CSMD1: variants seen among roughly 807,000 people sequenced by gnomAD.
The protein encoded by CSMD1 is CUB and Sushi multiple domains 1.
CSMD1 carries 213 observed loss-of-function variants against 417.5 expected under a neutral mutation model. That is an observed-to-expected ratio of 0.51 (90% CI 0.46 to 0.57). The LOEUF is 0.57. CSMD1 is among the 20% of genes least tolerant of loss of function. The pLI, the probability that CSMD1 is intolerant of heterozygous loss-of-function variation, is 0.00. For synonymous variants in CSMD1, 2,862 were observed against 1,736.8 expected (o/e 1.65, Z -16.11); for missense variants, 6,923 against 4,529.7 (o/e 1.53, Z -15.17).
chr8:3,391,269 C>G (rs1057222145), intron 17 of CSMD1, among the ~76,000 whole-genome samples: 8 of 152,316 alleles, frequency 5.3e-5, no homozygotes, highest in African/African-American at 1.9e-4. Context: ...ATCAATCACA[C>G]AGTAGAGTAT....
chr8:3,313,890 A>C (rs1240774093), intron 23 of CSMD1, among the ~76,000 whole-genome samples: 1 of 152,210 alleles, frequency 6.6e-6, no homozygotes, highest in South Asian at 2.1e-4. Flanking sequence ...ACAATGATAG[A>C]CTGGATTAAG....
chr8:3,089,828 T>C (rs1814810332), intron 48 of CSMD1, among the ~76,000 whole-genome samples: 1 of 152,222 alleles, frequency 6.6e-6, no homozygotes, highest in Admixed American at 6.5e-5. Context: ...AATGAGGCTC[T>C]CCTTGTGGTA....
intron 3 of CSMD1, among the ~76,000 whole-genome samples, chr8:4,208,246 A>G (rs1800097872): frequency 6.6e-6 from 1 of 152,166 alleles, no homozygotes; most frequent in Non-Finnish European, 1.5e-5. Context: ...CTCCTGTTAT[A>G]ATTGCCTTCT....
chr8:3,412,981 T>C (rs1168769110), intron 12 of CSMD1, among the ~76,000 whole-genome samples: 1 of 152,080 alleles, frequency 6.6e-6, no homozygotes, highest in Non-Finnish European at 1.5e-5. Flanking sequence ...CAGTCAGGAG[T>C]CCAGACACCA....
chr8:4,167,464 G>A (rs1296149446), intron 3 of CSMD1, among the ~76,000 whole-genome samples: 4 of 152,118 alleles, frequency 2.6e-5, no homozygotes, highest in South Asian at 4.1e-4. Flanking sequence ...AATGACGGTG[G>A]CTGAGAGACT....
intron 5 of CSMD1, among the ~76,000 whole-genome samples, chr8:3,969,072 G>A (rs531395988): frequency 1.3e-5 from 2 of 152,256 alleles, no homozygotes; most frequent in African/African-American, 4.8e-5. Context: ...ACAACATGGT[G>A]CAAGCACATC....
At chr8:2,946,252 T>C (rs1056629821) in intron 68 of CSMD1, among the ~76,000 whole-genome samples, 4 of 152,220 alleles carry the variant, frequency 2.6e-5, no homozygotes, top group African/African-American at 9.6e-5. Flanking sequence ...TCCTATATAA[T>C]TCATCCACTT....
At chr8:3,611,847 A>G (rs1801909548) in intron 8 of CSMD1, among the ~76,000 whole-genome samples, 1 of 152,188 alleles carries the variant, frequency 6.6e-6, no homozygotes, top group African/African-American at 2.4e-5. Flanking sequence ...AAATTAATTT[A>G]GGACAGAAGT....
intron 5 of CSMD1, among the ~76,000 whole-genome samples, chr8:3,956,204 G>T (rs901318413): frequency 6.6e-6 from 1 of 152,200 alleles, no homozygotes; most frequent in Non-Finnish European, 1.5e-5. Flanking sequence ...ATAACTAAAT[G>T]TAGATAGCAT....
At chr8:3,216,944 C>A (rs1342283365) in intron 29 of CSMD1, among the ~76,000 whole-genome samples, 3 of 152,232 alleles carry the variant, frequency 2.0e-5, no homozygotes, top group African/African-American at 7.2e-5. Context: ...CTGCACCAGG[C>A]TTAGATGCAA....
At chr8:3,642,880 A>G (rs1019724788) in intron 7 of CSMD1, among the ~76,000 whole-genome samples, 4 of 151,896 alleles carry the variant, frequency 2.6e-5, no homozygotes, top group Non-Finnish European at 5.9e-5. Flanking sequence ...ATATATATAG[A>G]TTATACATAC....
chr8:4,178,724 T>G (rs1405160921), intron 3 of CSMD1, among the ~76,000 whole-genome samples: 1 of 152,164 alleles, frequency 6.6e-6, no homozygotes, highest in African/African-American at 2.4e-5. Context: ...ATAGGCAACT[T>G]CAGCAAAGTC....
intron 3 of CSMD1, among the ~76,000 whole-genome samples, chr8:4,123,891 C>G (rs183468815): frequency 2.8e-4 from 43 of 152,214 alleles, no homozygotes; most frequent in African/African-American, 9.6e-4. Context: ...TATGTGATTC[C>G]TGAAATCAGA....
chr8:3,982,661 G>C (rs1397517815), intron 5 of CSMD1, among the ~76,000 whole-genome samples: 2 of 151,988 alleles, frequency 1.3e-5, no homozygotes, highest in South Asian at 2.1e-4. Context: ...AGATAGGGCA[G>C]ATCTGAGACC....
chr8:3,159,402 G>C (rs1221885910), intron 38 of CSMD1, among the ~76,000 whole-genome samples: 1 of 152,160 alleles, frequency 6.6e-6, no homozygotes, highest in Non-Finnish European at 1.5e-5. Flanking sequence ...AACAAGTTGA[G>C]AGAAGATGGA....
chr8:3,562,298 T>C (rs963025208), intron 10 of CSMD1, among the ~76,000 whole-genome samples: 1 of 129,824 alleles, frequency 7.7e-6, no homozygotes, highest in African/African-American at 3.0e-5. Context: ...AGTTTTAGAA[T>C]CTAGAAAGAC....
chr8:3,760,280 T>C (rs1797920608), intron 5 of CSMD1, among the ~76,000 whole-genome samples: 1 of 152,178 alleles, frequency 6.6e-6, no homozygotes, highest in Non-Finnish European at 1.5e-5. Flanking sequence ...TTTTTTCCCC[T>C]AAGAATACCA....
chr8:3,846,278 A>G (rs1344214702), intron 5 of CSMD1, among the ~76,000 whole-genome samples: 1 of 152,202 alleles, frequency 6.6e-6, no homozygotes, highest in Admixed American at 6.5e-5. Context: ...GATCGCTACC[A>G]TGTCAATAGG....
chr8:3,748,486 C>T (rs1451525618), intron 6 of CSMD1, among the ~76,000 whole-genome samples: 1 of 152,136 alleles, frequency 6.6e-6, no homozygotes, highest in African/African-American at 2.4e-5. Context: ...AATAGGAGCA[C>T]TTGATTTCCT....
Sources: gnomAD v4.1 joint callset for allele counts (sites outside exome capture counted in the v4.1 genomes callset) on GRCh38, gnomAD v4.1.1 for gene constraint, MANE v1.5 for transcripts, NCBI Gene and HGNC (gene_info 2026-07-23, HGNC 2026-07-21) for gene names.